The following PADI2 variants were observed in gnomAD, a reference collection of about 807,000 sequenced individuals.
PADI2 encodes protein-arginine deiminase type-2.
PADI2 carries 70 observed loss-of-function variants against 81.1 expected under a neutral mutation model. The observed-to-expected ratio is 0.86, with a 90% confidence interval of 0.71 to 1.05. PADI2 has a LOEUF of 1.05. Among genes scored for constraint, PADI2 ranks in the 50% least tolerant of loss-of-function variants. The probability of loss-of-function intolerance (pLI) is 0.00; values close to 1 mark genes in which losing one functional copy is unlikely to be tolerated. For missense variants in PADI2, 853 were observed against 889.9 expected, an observed-to-expected ratio of 0.96 and a Z score of 0.53; for synonymous variants, 338 against 358.0, an observed-to-expected ratio of 0.94 and a Z score of 0.63.
rs774210942 is a variant in PADI2 at position 17,070,176 on chromosome 1, A to G, written c.1676T>C (p.Leu559Pro). ...AATGATGTCCTGCTCTGTCAGTCCC[A>G]GCTCCTTCTTGAGGATGTCACGGTT... ...DWNRDILKKELGLTEQDIIDL... is the reference protein window; with the variant it reads ...DWNRDILKKEPGLTEQDIIDL... Residue 559 changes from leucine (L) to proline (P), a missense_variant, in exon 15 of 16, where the codon CTG becomes CCG. Leu to Pro is a moderately conservative substitution (Grantham distance 98). Transcript: ENST00000375486. 143 of 1,614,032 alleles carry G rather than the reference A, an allele frequency of 8.9e-5. No individual in the cohort carries two copies. Among genetic ancestry groups the G allele is most frequent in the Admixed American group, 1.3e-4 (8 of 60,004 alleles).
chr1:17,096,067 T>C (rs1930916294), intron 3 of PADI2, 97 bp from the exon 4 acceptor site: 9 of 875,294 alleles, frequency 1.0e-5, no homozygotes, highest in Non-Finnish European at 1.6e-5. Flanking sequence ...GTCTCAGCCA[T>C]TCATTTGGTC....
At chr1:17,090,581 T>TTTTGTGTGTGTG (rs1553182497) in intron 6 of PADI2, among the ~76,000 whole-genome samples, 1 of 142,740 alleles carries the variant, frequency 7.0e-6, no homozygotes, top group Non-Finnish European at 1.5e-5. Flanking sequence ...CGTCCTTTGC[T>TTTTGTGTGTGTG]TGTGTGTGTG....
Position 17,119,082 on chromosome 1 carries a change from C to T in PADI2, c.92+198G>A, listed in dbSNP as rs1037241316. 6.6e-6 allele frequency among the ~76,000 whole-genome samples: 1 copy of T among 151,886 alleles called. No individual in the cohort carries two copies. The highest frequency in any genetic ancestry group is 1.5e-5 in the Non-Finnish European group (1 of 67,976). Reference sequence around the variant, plus strand: ...TGTGTTAGGGGGTCTGGGAGAGTCTCAGGGTTTCTGGAAGGTGGACACAAG... The same window carrying T: ...TGTGTTAGGGGGTCTGGGAGAGTCTTAGGGTTTCTGGAAGGTGGACACAAG... On this transcript the variant is annotated intron_variant, in intron 1 of 15. Coordinates refer to ENST00000375486, the MANE Select transcript of PADI2 (RefSeq NM_007365.3). The surrounding 1 kb of genome is among the most constrained non-coding windows in gnomAD (Gnocchi z 4.8).
At chr1:17,094,769 C>A (rs1187811550) in intron 4 of PADI2, among the ~76,000 whole-genome samples, 1 of 152,248 alleles carries the variant, frequency 6.6e-6, no homozygotes, top group African/African-American at 2.4e-5. Flanking sequence ...TCATGGGGAT[C>A]GTGTGACTTT....
At chr1:17,109,171 G>T (rs536520884) in intron 1 of PADI2, among the ~76,000 whole-genome samples, 1 of 152,074 alleles carries the variant, frequency 6.6e-6, no homozygotes, top group East Asian at 1.9e-4. Flanking sequence ...GATCACTTGA[G>T]GTCAGAAGTT....
chr1:17,116,084 T>TACA (rs1369246880), intron 1 of PADI2, among the ~76,000 whole-genome samples: 4 of 152,218 alleles, frequency 2.6e-5, no homozygotes, highest in Non-Finnish European at 4.4e-5. Flanking sequence ...TTCTATTGAA[T>TACA]ACAAGATCCT....
At chr1:17,098,802 G>A (rs1194830575) in intron 3 of PADI2, among the ~76,000 whole-genome samples, 3 of 152,178 alleles carry the variant, frequency 2.0e-5, no homozygotes, top group Admixed American at 6.5e-5. Flanking sequence ...ATGGGACTTC[G>A]CCCCTGCAAG....
chr1:17,077,020 C>T (rs781274061), intron 11 of PADI2, among the ~76,000 whole-genome samples: 10 of 152,152 alleles, frequency 6.6e-5, no homozygotes, highest in Non-Finnish European at 1.5e-4. Context: ...CCTCCCTTCC[C>T]CCGGTTCTGT....
intron 13 of PADI2, among the ~76,000 whole-genome samples, chr1:17,074,529 C>T (rs1460061084): frequency 3.9e-5 from 6 of 152,178 alleles, no homozygotes; most frequent in African/African-American, 1.4e-4. Context: ...GCCACCAGAC[C>T]CAGCTGCATG....
intron 11 of PADI2, among the ~76,000 whole-genome samples, chr1:17,077,834 A>G (rs1040218944): frequency 9.2e-5 from 14 of 152,136 alleles, no homozygotes; most frequent in Admixed American, 2.6e-4. Flanking sequence ...GTGACGTGAG[A>G]ACCTAAGGTA....
At position 17,071,395 on chromosome 1, in the gene PADI2, C is replaced by T. The variant is rs2078263567; in HGVS notation, c.1635+11G>A. On this transcript the variant is annotated intron_variant, in intron 14 of 15. Coordinates refer to ENST00000375486, the MANE Select transcript of PADI2 (RefSeq NM_007365.3). ...GGGCCCTCTGGCCCTGCACCCCTGC[C>T]CTGCCCTCACCTGGAAGTACAGGTT... 6.2e-7 allele frequency: 1 copy of T among 1,606,840 alleles called. No individual in the cohort carries two copies. Among genetic ancestry groups the T allele is most frequent in the Non-Finnish European group, 8.5e-7 (1 of 1,173,506 alleles).
chr1:17,092,285 C>A, intron 6 of PADI2, 123 bp downstream of exon 6: 3 of 690,786 alleles, frequency 4.3e-6, no homozygotes, highest in Non-Finnish European at 7.1e-6. Flanking sequence ...TGCCATGTTA[C>A]AATCACTCAG....
intron 7 of PADI2, 44 bp downstream of exon 7, chr1:17,086,477 G>A: frequency 1.3e-6 from 2 of 1,536,844 alleles, no homozygotes; most frequent in South Asian, 1.2e-5. Flanking sequence ...ACCCACCCTG[G>A]CCCCTGGGGT....
intron 6 of PADI2, among the ~76,000 whole-genome samples, chr1:17,090,292 C>T (rs913185034): frequency 1.4e-4 from 21 of 152,354 alleles, no homozygotes; most frequent in African/African-American, 3.6e-4. Flanking sequence ...CCGGGACAGT[C>T]GGAACTCTTA....
chr1:17,100,747 C>T (rs1569575687), intron 3 of PADI2, among the ~76,000 whole-genome samples: 1 of 148,948 alleles, frequency 6.7e-6, no homozygotes, highest in African/African-American at 2.5e-5. Flanking sequence ...CTGCAACCTC[C>T]ACCTCTTGGG....
At chr1:17,071,133 C>T (rs1220137009) in intron 14 of PADI2, among the ~76,000 whole-genome samples, 2 of 152,134 alleles carry the variant, frequency 1.3e-5, no homozygotes, top group East Asian at 3.9e-4. Flanking sequence ...AGATGAGAGA[C>T]CCAAAGACAG....
At chr1:17,106,052 G>A (rs568745558) in intron 1 of PADI2, among the ~76,000 whole-genome samples, 1 of 152,256 alleles carries the variant, frequency 6.6e-6, no homozygotes, top group East Asian at 1.9e-4. Context: ...GCTGAGTAAA[G>A]TGCTGAGTCC....
intron 2 of PADI2, 98 bp from the exon 3 acceptor site, chr1:17,103,157 T>C: frequency 1.2e-6 from 1 of 837,200 alleles, no homozygotes; most frequent in East Asian, 2.7e-5. Context: ...CCCTCACAGC[T>C]TGTCAAGCCA....
At chr1:17,114,275 T>C (rs1334214520) in intron 1 of PADI2, among the ~76,000 whole-genome samples, 2 of 152,156 alleles carry the variant, frequency 1.3e-5, no homozygotes, top group African/African-American at 2.4e-5. Context: ...ACAGGCCACA[T>C]TCATTCATTC....
Sources: gnomAD v4.1 joint callset for allele counts (sites outside exome capture counted in the v4.1 genomes callset) on GRCh38, gnomAD v4.1.1 for gene constraint, Gnocchi (gnomAD v3.1) non-coding constraint, MANE v1.5 for transcripts, NCBI Gene and HGNC (gene_info 2026-07-23, HGNC 2026-07-21) for gene names.